CYFIP2: variants seen among roughly 807,000 people sequenced by gnomAD.
CYFIP2 encodes the protein cytoplasmic FMR1 interacting protein 2, also known as cytoplasmic FMR1-interacting protein 2.
A neutral mutation model predicts 158.7 loss-of-function variants in CYFIP2; 29 were observed. That is an observed-to-expected ratio of 0.18 (90% CI 0.14 to 0.25). The LOEUF (loss-of-function observed/expected upper bound fraction) is 0.25. CYFIP2 is among the 10% of genes least tolerant of loss of function. CYFIP2 has a pLI of 1.00. For synonymous variants in CYFIP2, 585 were observed against 617.6 expected, an observed-to-expected ratio of 0.95 and a Z score of 0.78; for missense variants, 852 against 1,639.5, an observed-to-expected ratio of 0.52 and a Z score of 8.29.
At chr5:157,307,639 G>T in intron 8 of CYFIP2, 122 bp from the exon 9 acceptor site, 1 of 574,550 alleles carries the variant, frequency 1.7e-6, no homozygotes. Context: ...TCTACAGGGT[G>T]TGTGTGTGTG....
At chr5:157,314,130 G>A (rs1439951251) in intron 11 of CYFIP2, among the ~76,000 whole-genome samples, 3 of 152,178 alleles carry the variant, frequency 2.0e-5, no homozygotes, top group African/African-American at 7.2e-5. Context: ...ATATGTTCCT[G>A]AGTTACTATA....
chr5:157,388,152 G>A (rs1295491824), intron 28 of CYFIP2, among the ~76,000 whole-genome samples: 3 of 152,192 alleles, frequency 2.0e-5, no homozygotes, highest in Non-Finnish European at 4.4e-5. Flanking sequence ...TTTGTTCACA[G>A]ATTTGGAGAC....
Position 157,294,808 on chromosome 5 carries a change from A to G in CYFIP2, c.233A>G (p.Glu78Gly), listed in dbSNP as rs373074465. 3 of 1,613,616 alleles carry G rather than the reference A, an allele frequency of 1.9e-6. No homozygotes were observed. Among genetic ancestry groups the G allele is most frequent in the Non-Finnish European group, 2.5e-6 (3 of 1,179,746 alleles). The change falls in exon 4 of 31, where the codon GAG becomes GGG. Residue 78 changes from glutamate to glycine, a missense_variant. Transcript: ENST00000620254. ...AATGAGATGCTGGAGGAAGGACATG[A>G]GTATGCGGTCATGCTGTACACCTGG... is the stretch of plus-strand genomic sequence containing the variant. ...SMNEMLEEGH[E>G]YAVMLYTWRS...
intron 11 of CYFIP2, among the ~76,000 whole-genome samples, chr5:157,312,103 T>TGGTC (rs1759773758): frequency 5.3e-5 from 8 of 152,166 alleles, no homozygotes; most frequent in Non-Finnish European, 1.0e-4. Flanking sequence ...TGGTGATGGT[T>TGGTC]AGTTCTGCCT....
chr5:157,271,260 C>G (rs1483643320), intron 1 of CYFIP2: 5 of 152,232 alleles, frequency 3.3e-5, no homozygotes, highest in African/African-American at 1.2e-4. Context: ...AGAGAATGGT[C>G]TGCATGATCC....
At chr5:157,322,994 G>T in intron 15 of CYFIP2, 1 of 1,536,038 alleles carries the variant, frequency 6.5e-7, no homozygotes, top group African/African-American at 1.4e-5. Context: ...GGCACACAGG[G>T]CCGAAGAGGC....
chr5:157,338,158 TC>T (rs1761990726), intron 21 of CYFIP2, among the ~76,000 whole-genome samples: 1 of 152,220 alleles, frequency 6.6e-6, no homozygotes, highest in Non-Finnish European at 1.5e-5. Context: ...GTTACACTCT[TC>T]TTTCATTTCC....
In CYFIP2 at chr5:157,389,330, G is replaced by A. The variant is rs764457342; in HGVS notation, c.3349G>A (p.Val1117Ile). 1.2e-5 allele frequency: 20 copies of A among 1,614,016 alleles called. No individual in the cohort carries two copies. The highest frequency in any genetic ancestry group is 1.6e-5 in the Non-Finnish European group (19 of 1,179,876). ...GCGGGGCCCACCGCCCACCAATGGCGTCATGCACGTCGATGAGTGTGTGGA... is the reference window on the plus strand; with the variant it reads ...GCGGGGCCCACCGCCCACCAATGGCATCATGCACGTCGATGAGTGTGTGGA... ...IWRGPPPTNGVMHVDECVEFH... is the reference protein window; with the variant it reads ...IWRGPPPTNGIMHVDECVEFH... Residue 1117 changes from valine (V) to isoleucine (I), a missense_variant, in exon 29 of 31, where the codon GTC (valine) becomes ATC (isoleucine). Val to Ile is a conservative substitution (Grantham distance 29). Transcript: ENST00000620254.
At position 157,389,300 on chromosome 5, in the gene CYFIP2, A is replaced by G. The variant is rs1463586912; in HGVS notation, c.3319A>G (p.Ile1107Val). ...TRIRSYLQDPIWRGPPPTNGV... is the reference protein window; with the variant it reads ...TRIRSYLQDPVWRGPPPTNGV... ...CATTCGGAGCTACCTGCAGGACCCC[A>G]TCTGGCGGGGCCCACCGCCCACCAA... is the stretch of plus-strand genomic sequence containing the variant. The change falls in exon 29 of 31, where the codon ATC becomes GTC. Residue 1107 changes from isoleucine (I) to valine (V), a missense_variant. Coordinates refer to ENST00000620254, the MANE Select transcript of CYFIP2 (RefSeq NM_001037333.3). The G allele has an allele frequency of 6.2e-7, 1 of 1,614,024 alleles. No homozygotes were observed. The highest frequency in any genetic ancestry group is 1.3e-5 in the African/African-American group (1 of 75,058).
chr5:157,343,213 G>T (rs753274772), intron 23 of CYFIP2: 13 of 1,614,226 alleles, frequency 8.1e-6, no homozygotes, highest in Non-Finnish European at 1.1e-5. Flanking sequence ...AGATCTGGGG[G>T]TCTACCAGGG....
intron 26 of CYFIP2, among the ~76,000 whole-genome samples, chr5:157,374,492 C>T (rs960086306): frequency 2.6e-5 from 4 of 152,128 alleles, no homozygotes; most frequent in African/African-American, 9.7e-5. Context: ...CCAAAATAAG[C>T]ACAAACCCTG....
chr5:157,381,127 GA>G (rs1581190436), intron 26 of CYFIP2, among the ~76,000 whole-genome samples: 1 of 151,832 alleles, frequency 6.6e-6, no homozygotes, highest in East Asian at 1.9e-4. Context: ...CTATATATCC[GA>G]CCACCAGCTT....
At chr5:157,367,523 G>T (rs921458737) in intron 26 of CYFIP2, among the ~76,000 whole-genome samples, 3 of 152,174 alleles carry the variant, frequency 2.0e-5, no homozygotes, top group Admixed American at 2.0e-4. Context: ...GATCCTTAAG[G>T]TTAGCGTATT....
At chr5:157,295,488 A>C (rs1758179467) in intron 4 of CYFIP2, among the ~76,000 whole-genome samples, 1 of 152,164 alleles carries the variant, frequency 6.6e-6, no homozygotes, top group South Asian at 2.1e-4. Flanking sequence ...CCTTCCTTCT[A>C]ATTCTAGGCC....
chr5:157,383,417 G>A (rs1324150048), intron 28 of CYFIP2, 58 bp downstream of exon 28: 1 of 1,484,438 alleles, frequency 6.7e-7, no homozygotes, highest in Non-Finnish European at 9.3e-7. Context: ...GAGAGCATTT[G>A]ACCAAACCCC....
intron 26 of CYFIP2, among the ~76,000 whole-genome samples, chr5:157,369,473 A>G (rs1764764385): frequency 6.6e-6 from 1 of 152,204 alleles, no homozygotes; most frequent in Non-Finnish European, 1.5e-5. Context: ...ACCATAAATC[A>G]GGGGAGGGAC....
chr5:157,286,629 A>C lies in CYFIP2; in HGVS notation c.118-390A>C, dbSNP rs367924805. Among the ~76,000 whole-genome samples the C allele has an allele frequency of 1.4e-4, 21 of 150,820 alleles. No homozygotes were observed. In the East Asian group the frequency reaches 3.5e-3, roughly 25 times the overall value. ...TGTAGGTTGTTTACAGTTTGTTTTA[A>C]TCACAAAAAACAGCCACAGTAATTA... is the stretch of plus-strand genomic sequence containing the variant. On this transcript the variant is annotated intron_variant, in intron 2 of 30. Transcript: ENST00000620254.
At chr5:157,342,974 G>T in intron 23 of CYFIP2, 1 of 1,614,214 alleles carries the variant, frequency 6.2e-7, no homozygotes, top group Admixed American at 1.7e-5. Flanking sequence ...TCCATCTCTG[G>T]AGTTCTTGCG....
At chr5:157,324,336 C>T (rs1489722529) in intron 16 of CYFIP2, among the ~76,000 whole-genome samples, 4 of 152,166 alleles carry the variant, frequency 2.6e-5, no homozygotes, top group South Asian at 2.1e-4. Context: ...CTTAGTAGAG[C>T]GGGATCAAAA....
Sources: allele counts gnomAD v4.1 joint callset (sites outside exome capture counted in the v4.1 genomes callset), GRCh38; gene constraint gnomAD v4.1.1; transcripts MANE v1.5; gene names NCBI Gene and HGNC (gene_info 2026-07-23, HGNC 2026-07-21).